The following FRMPD4 variants were observed in gnomAD, a reference collection of about 807,000 sequenced individuals.
FRMPD4 encodes FERM and PDZ domain-containing protein 4.
FRMPD4 carries 22 observed loss-of-function variants against 94.1 expected under a neutral mutation model. The ratio of observed to expected loss-of-function variants is 0.23; its 90% CI spans 0.17 to 0.33. FRMPD4 has a LOEUF of 0.33. Ranked by LOEUF, FRMPD4 falls within the 10% of genes least tolerant of loss-of-function variation. The pLI, the probability that FRMPD4 is intolerant of heterozygous loss-of-function variation, is 1.00. For synonymous variants in FRMPD4, 631 were observed against 548.6 expected (o/e 1.15, Z -2.10); for missense variants, 1,111 against 1,339.9 (o/e 0.83, Z 2.67).
At chrX:11,931,213 C>G (rs1455210977) in intron 3 of FRMPD4, among the ~76,000 whole-genome samples, 1 of 112,014 alleles carries the variant, frequency 8.9e-6, no homozygotes, top group African/African-American at 3.2e-5. Context: ...CATCAGTGAG[C>G]CCCCAGATTC....
At chrX:12,419,378 G>A (rs1346444126) in intron 1 of FRMPD4, among the ~76,000 whole-genome samples, 2 of 112,355 alleles carry the variant, frequency 1.8e-5, no homozygotes, top group Non-Finnish European at 3.8e-5. Context: ...ATTGTAAAAA[G>A]ATGCTGTTCT....
At position 12,711,844 on chromosome X, in the gene FRMPD4, T is replaced by A. The variant is rs761983714; in HGVS notation, c.1609+1307T>A. Reference sequence around the variant, plus strand: ...GGAAGGAAGTTCTGTCACTGTTAAATTGAGCATAAACATCAATCTTTATTC... The same window carrying A: ...GGAAGGAAGTTCTGTCACTGTTAAAATGAGCATAAACATCAATCTTTATTC... On this transcript the variant is annotated intron_variant, in intron 14 of 16. Transcript: ENST00000675598. 1.6e-4 allele frequency among the ~76,000 whole-genome samples: 16 copies of A among 98,731 alleles called. 1 individual carries two copies. In the East Asian group the frequency reaches 4.5e-3, roughly 28 times the overall value. The allele number at this position is 98,731 out of a possible 115,157, so 85.7% of individuals were successfully genotyped here. A position where few individuals can be genotyped will look rare whatever the true frequency, so the allele number is the denominator to read the frequency against.
intron 1 of FRMPD4, among the ~76,000 whole-genome samples, chrX:12,203,083 A>G (rs756392623): frequency 9.0e-6 from 1 of 111,673 alleles, no homozygotes; most frequent in Non-Finnish European, 1.9e-5. Flanking sequence ...AACTAATGCA[A>G]TGTCTCCCAC....
At chrX:11,896,112 C>G (rs1601826956) in intron 3 of FRMPD4, among the ~76,000 whole-genome samples, 1 of 112,430 alleles carries the variant, frequency 8.9e-6, no homozygotes, top group Non-Finnish European at 1.9e-5. Flanking sequence ...ATTGCACAGA[C>G]ACCCTTCTTG....
intron 1 of FRMPD4, among the ~76,000 whole-genome samples, chrX:11,848,038 T>TA (rs1332643876): frequency 4.8e-5 from 5 of 104,270 alleles, no homozygotes; most frequent in African/African-American, 1.1e-4. Flanking sequence ...ATAATAATAA[T>TA]AAAAAAAATA....
At chrX:12,107,764 A>G (rs1159340932) in intron 3 of FRMPD4, among the ~76,000 whole-genome samples, 2 of 112,069 alleles carry the variant, frequency 1.8e-5, no homozygotes. Flanking sequence ...CACATGAACT[A>G]TGTGACGAAT....
In FRMPD4 at chrX:12,259,362, A is replaced by G. The variant is rs191287006; in HGVS notation, c.41+120350A>G. Among the ~76,000 whole-genome samples, 33 of 111,468 alleles carry G rather than the reference A, an allele frequency of 3.0e-4. No homozygotes were observed. The East Asian group carries it at 7.9e-3, about 27-fold the overall frequency. On this transcript the variant is annotated intron_variant, in intron 1 of 16. Transcript: ENST00000675598. ...GAGGGAAATTTGGACAAAGAGAAAC[A>G]CACACACAGGGAAAATATCATGTGG...
chrX:12,239,064 T>A (rs1419528074), intron 1 of FRMPD4, among the ~76,000 whole-genome samples: 2 of 112,412 alleles, frequency 1.8e-5, no homozygotes, highest in African/African-American at 6.5e-5. Context: ...TGCTATCAAT[T>A]CATCACATTA....
intron 3 of FRMPD4, among the ~76,000 whole-genome samples, chrX:11,901,453 GTAT>G (rs1414603620): frequency 8.9e-6 from 1 of 112,445 alleles, no homozygotes; most frequent in Non-Finnish European, 1.9e-5. Context: ...TGGCTGAGTA[GTAT>G]TCTTTGGTAT....
chrX:12,019,855 C>T (rs1477569823), intron 3 of FRMPD4, among the ~76,000 whole-genome samples: 3 of 111,720 alleles, frequency 2.7e-5, no homozygotes, highest in Middle Eastern at 4.2e-3. Context: ...ATAATGATGA[C>T]GATAACATTT....
intron 3 of FRMPD4, among the ~76,000 whole-genome samples, chrX:11,898,507 C>T (rs1035693978): frequency 2.7e-5 from 3 of 111,594 alleles, no homozygotes; most frequent in African/African-American, 9.8e-5. Flanking sequence ...TAGGAGGAGC[C>T]TCTGAGCTGC....
intron 1 of FRMPD4, 58 bp from the exon 2 acceptor site, chrX:12,498,622 C>A: frequency 1.5e-6 from 1 of 667,663 alleles, no homozygotes; most frequent in Non-Finnish European, 2.5e-6. Flanking sequence ...CAGAGTTTGT[C>A]TCAGAAGGAA....
intron 4 of FRMPD4, among the ~76,000 whole-genome samples, chrX:12,626,746 G>A (rs748586436): frequency 4.8e-5 from 5 of 105,072 alleles, no homozygotes; most frequent in South Asian, 4.6e-4. Flanking sequence ...TATTGCAGTC[G>A]ATGGGAGATT....
intron 1 of FRMPD4, among the ~76,000 whole-genome samples, chrX:12,320,463 A>G (rs766405223): frequency 4.1e-4 from 46 of 111,981 alleles, no homozygotes; most frequent in Admixed American, 8.6e-4. Context: ...CACCCCCAGC[A>G]GATGCTTATA....
At chrX:12,635,589 G>A (rs1472445235) in intron 4 of FRMPD4, among the ~76,000 whole-genome samples, 2 of 111,357 alleles carry the variant, frequency 1.8e-5, no homozygotes, top group Non-Finnish European at 3.8e-5. Flanking sequence ...CCCGGGGGGT[G>A]GAATATGCTA....
chrX:12,194,531 G>A (rs950399875), intron 1 of FRMPD4, among the ~76,000 whole-genome samples: 2 of 111,461 alleles, frequency 1.8e-5, no homozygotes, highest in African/African-American at 6.5e-5. Flanking sequence ...TGTGTTACAG[G>A]CGTTGGGGAT....
chrX:12,317,613 C>A (rs867325654), intron 1 of FRMPD4, among the ~76,000 whole-genome samples: 1,267 of 69,850 alleles, frequency 0.018, 23 homozygotes, highest in African/African-American at 0.052. Context: ...ACAAAAAAAA[C>A]AAAAACCCAA....
At chrX:11,827,079 T>TATAA (rs1450606617) in intron 1 of FRMPD4, among the ~76,000 whole-genome samples, 1 of 99,057 alleles carries the variant, frequency 1.0e-5, no homozygotes, top group Non-Finnish European at 2.0e-5. Flanking sequence ...TATATATATA[T>TATAA]ATATATAAAA....
chrX:12,034,928 C>T (rs911782008), intron 3 of FRMPD4, among the ~76,000 whole-genome samples: 6 of 111,824 alleles, frequency 5.4e-5, no homozygotes, highest in Non-Finnish European at 7.5e-5. Context: ...AAAAGGTATG[C>T]GGTGGGCTGA....
Sources: gnomAD v4.1 joint callset for allele counts (sites outside exome capture counted in the v4.1 genomes callset) on GRCh38, gnomAD v4.1.1 for gene constraint, MANE v1.5 for transcripts, NCBI Gene and HGNC (gene_info 2026-07-23, HGNC 2026-07-21) for gene names.